The following ADGRE2 variants were observed in gnomAD, a reference collection of about 807,000 sequenced individuals.
ADGRE2 encodes CD97 antigen.
A neutral mutation model predicts 100.8 loss-of-function variants in ADGRE2; 83 were observed. The observed-to-expected ratio is 0.82, with a 90% CI of 0.69 to 0.99. The LOEUF (loss-of-function observed/expected upper bound fraction) is 0.99. Ranked by LOEUF, ADGRE2 falls within the 50% of genes least tolerant of loss-of-function variation. ADGRE2 has a pLI of 0.00. For synonymous variants in ADGRE2, 355 were observed against 413.0 expected, an observed-to-expected ratio of 0.86 and a Z score of 1.70; for missense variants, 814 against 1,035.7, an observed-to-expected ratio of 0.79 and a Z score of 2.94.
rs60789454 is a variant in ADGRE2, at chr19:14,759,503, A to ATATATATATTTTT, written c.1085-3159_1085-3158insAAAAATATATATA. On this transcript the variant is annotated intron_variant, in intron 11 of 20. Transcript: ENST00000315576. ...ATAAGTTATACATATATATATATAT[A>ATATATATATTTTT]TTTTTTTTTTTTAGACGGAGTCTCA... is the stretch of plus-strand genomic sequence containing the variant. Among the ~76,000 whole-genome samples the ATATATATATTTTT allele has an allele frequency of 6.8e-3, 902 of 133,324 alleles. 14 individuals are homozygous for ATATATATATTTTT. Among genetic ancestry groups the ATATATATATTTTT allele is most frequent in the African/African-American group, 0.025 (846 of 33,624 alleles). 87.5% of individuals were successfully genotyped at this position (133,324 alleles called of 152,430 possible). A position where few individuals can be genotyped will look rare whatever the true frequency, so the allele number is the denominator to read the frequency against.
At chr19:14,748,687 G>A (rs1447286324) in intron 16 of ADGRE2, among the ~76,000 whole-genome samples, 1 of 152,080 alleles carries the variant, frequency 6.6e-6, no homozygotes, top group Non-Finnish European at 1.5e-5. Flanking sequence ...TATATACCTG[G>A]GTCATATGGT....
chr19:14,774,211 A>T (rs56957458), intron 3 of ADGRE2, 45 bp downstream of exon 3: 108,359 of 1,500,722 alleles, frequency 0.072, 4,862 homozygotes, highest in African/African-American at 0.19. Flanking sequence ...GACCCTCCCC[A>T]GGCTCTGGCT....
chr19:14,756,414 T>C lies in ADGRE2; in HGVS notation c.1085-69A>G, dbSNP rs183449269. 8 of 930,258 alleles carry C rather than the reference T, an allele frequency of 8.6e-6. No individual in the cohort carries two copies. The Admixed American group carries it at 1.3e-4, about 15-fold the overall frequency. 57.6% of individuals were successfully genotyped at this position (930,258 alleles called of 1,614,324 possible). A position where few individuals can be genotyped will look rare whatever the true frequency, so the allele number is the denominator to read the frequency against. On this transcript the variant is annotated intron_variant, in intron 11 of 20. Coordinates refer to ENST00000315576, the MANE Select transcript of ADGRE2 (RefSeq NM_013447.4). The stretch of plus-strand genomic sequence containing the variant: ...CGTGCCTGCAGTGGTTGATATACTA[T>C]GACTTAATATATATACTATATACAT...
intron 14 of ADGRE2, among the ~76,000 whole-genome samples, chr19:14,753,049 C>T (rs1217189001): frequency 6.6e-6 from 1 of 151,224 alleles, no homozygotes; most frequent in Non-Finnish European, 1.5e-5. Flanking sequence ...GGATTACAGT[C>T]GTGAGCCACC....
At chr19:14,748,227 G>A (rs59235208) in intron 16 of ADGRE2, among the ~76,000 whole-genome samples, 2,112 of 152,254 alleles carry the variant, frequency 0.014, 48 homozygotes, top group African/African-American at 0.047. Flanking sequence ...GAGAACATGC[G>A]GTATTTGATT....
chr19:14,736,563 A>AATAT (rs35779329), intron 20 of ADGRE2, among the ~76,000 whole-genome samples: 2 of 148,006 alleles, frequency 1.4e-5, no homozygotes, highest in Non-Finnish European at 3.0e-5. Flanking sequence ...GCTGGCCTGA[A>AATAT]ATATATATAT....
intron 10 of ADGRE2, among the ~76,000 whole-genome samples, chr19:14,764,972 G>A (rs576188239): frequency 2.0e-5 from 3 of 152,140 alleles, no homozygotes; most frequent in East Asian, 3.9e-4. Context: ...AGCTGAGATC[G>A]GGCCACTAAA....
chr19:14,740,184 G>A (rs16979808), intron 20 of ADGRE2, among the ~76,000 whole-genome samples: 12,764 of 151,846 alleles, frequency 0.084, 1,850 homozygotes, highest in African/African-American at 0.29. Flanking sequence ...ATGATTGAGA[G>A]CATGGAGTTT....
intron 7 of ADGRE2, 174 bp downstream of exon 7, chr19:14,766,061 T>C (rs1397437833): frequency 1.5e-6 from 2 of 1,354,046 alleles, no homozygotes; most frequent in Non-Finnish European, 1.0e-6. Flanking sequence ...CCCCCCTCAG[T>C]ACCCCAGCTC....
Position 14,736,141 on chromosome 19 carries a change from C to T in ADGRE2, c.*95G>A. 1.7e-6 allele frequency: 2 copies of T among 1,191,274 alleles called. No individual in the cohort carries two copies. The highest frequency in any genetic ancestry group is 2.4e-6 in the Non-Finnish European group (2 of 820,292). 73.8% of individuals were successfully genotyped at this position (1,191,274 alleles called of 1,614,324 possible). ...CTGACATGGTGAATTTCTTGAAACA[C>T]ACAGAACAAAGTCTTTTCTTTCCCC... On this transcript the variant is annotated 3_prime_UTR_variant, in exon 21 of 21. Coordinates refer to ENST00000315576, the MANE Select transcript of ADGRE2 (RefSeq NM_013447.4).
chr19:14,744,056 A>G (rs1455633186), intron 18 of ADGRE2, among the ~76,000 whole-genome samples: 1 of 152,078 alleles, frequency 6.6e-6, no homozygotes, highest in Non-Finnish European at 1.5e-5. Flanking sequence ...CCCGACCAAC[A>G]TGGTGAAACC....
chr19:14,742,277 G>A lies in ADGRE2; in HGVS notation c.2463+1143C>T, dbSNP rs536049994. 1.1e-4 allele frequency among the ~76,000 whole-genome samples: 16 copies of A among 152,034 alleles called. No individual in the cohort carries two copies. The South Asian group carries it at 1.3e-3, about 12-fold the overall frequency. The stretch of plus-strand genomic sequence containing the variant: ...GAGAAGAGGTCTTGCTGTCATCCAG[G>A]CTGAAATGCAGTGGCACAATCATAG... On this transcript the variant is annotated intron_variant, in intron 20 of 20. Transcript: ENST00000315576.
At chr19:14,769,696 CCTTTT>C (rs1178791939) in intron 5 of ADGRE2, among the ~76,000 whole-genome samples, 2 of 152,118 alleles carry the variant, frequency 1.3e-5, no homozygotes, top group African/African-American at 4.8e-5. Context: ...TCTCTTCTCT[CCTTTT>C]CTTTTCTTTT....
intron 16 of ADGRE2, among the ~76,000 whole-genome samples, chr19:14,748,672 T>C (rs540205278): frequency 2.2e-4 from 33 of 152,338 alleles, no homozygotes; most frequent in Non-Finnish European, 1.6e-4. Context: ...TTCATTTGTT[T>C]TGGGTATATA....
chr19:14,761,735 G>C lies in ADGRE2; in HGVS notation c.1084+2698C>G, dbSNP rs185479414. 5.3e-5 allele frequency among the ~76,000 whole-genome samples: 8 copies of C among 152,204 alleles called. No homozygotes were observed. In the East Asian group the frequency reaches 1.5e-3, roughly 29 times the overall value. The stretch of plus-strand genomic sequence containing the variant: ...CATCTCTTTGCCAACCACGTATACA[G>C]TAAGGAGCTGGCGAAGACTCCATTT... On this transcript the variant is annotated intron_variant, in intron 11 of 20. Transcript: ENST00000315576.
chr19:14,738,617 A>G (rs548821319), intron 20 of ADGRE2, among the ~76,000 whole-genome samples: 65 of 152,100 alleles, frequency 4.3e-4, no homozygotes, highest in Middle Eastern at 6.8e-3. Flanking sequence ...AGCTAAAGTG[A>G]TCTGCCTGCC....
chr19:14,765,319 C>T lies in ADGRE2; in HGVS notation c.906+1G>A, dbSNP rs775802451. 1 of 1,614,102 alleles carries T rather than the reference C, an allele frequency of 6.2e-7. No homozygotes were observed. The highest frequency in any genetic ancestry group is 2.2e-5 in the East Asian group (1 of 44,884). ...CCCCTTGCCCTGGGTCCTGTCCTTACCTGGATGGTGTTATTGGCCAAGCCT... is the reference window on the plus strand; with the variant it reads ...CCCCTTGCCCTGGGTCCTGTCCTTATCTGGATGGTGTTATTGGCCAAGCCT... On this transcript the variant is annotated splice_donor_variant, in intron 10 of 20. Coordinates refer to ENST00000315576, the MANE Select transcript of ADGRE2 (RefSeq NM_013447.4). LOFTEE classifies it high-confidence loss of function.
chr19:14,742,074 CCA>C (rs2147126900), intron 20 of ADGRE2: 1 of 398,562 alleles, frequency 2.5e-6, no homozygotes, highest in East Asian at 3.6e-5. Flanking sequence ...CAAGCTTGAA[CCA>C]CTGTTCCTGG....
At position 14,765,415 on chromosome 19, in the gene ADGRE2, G is replaced by A. The variant is rs780430665; in HGVS notation, c.829-18C>T. ...GAAAGCGTCTGCAGAGAGAGGAGAT[G>A]TGGGGGTCAGAGAGCCTGGACGGCG... On this transcript the variant is annotated intron_variant, in intron 9 of 20. Transcript: ENST00000315576. 1.9e-5 allele frequency: 31 copies of A among 1,614,056 alleles called. No individual in the cohort carries two copies. In the South Asian group the frequency reaches 3.1e-4, roughly 16 times the overall value.
Sources: gnomAD v4.1 joint callset for allele counts (sites outside exome capture counted in the v4.1 genomes callset) on GRCh38, gnomAD v4.1.1 for gene constraint, MANE v1.5 for transcripts, NCBI Gene and HGNC (gene_info 2026-07-23, HGNC 2026-07-21) for gene names.